The following NHSL1 variants were observed in gnomAD, a reference collection of about 807,000 sequenced individuals.
The protein encoded by NHSL1 is NHS-like protein 1.
In NHSL1, 48 loss-of-function variants were observed where a neutral mutation model predicts 95.0. The observed-to-expected ratio is 0.51, with a 90% CI of 0.40 to 0.64. The LOEUF (loss-of-function observed/expected upper bound fraction) is 0.64. Among genes scored for constraint, NHSL1 ranks in the 30% least tolerant of loss-of-function variants. The pLI, the probability that NHSL1 is intolerant of heterozygous loss-of-function variation, is 0.00. For missense variants in NHSL1, 1,971 were observed against 2,077.7 expected (o/e 0.95, Z 1.00); for synonymous variants, 783 against 833.9 (o/e 0.94, Z 1.05).
At chr6:138,567,197 G>A (rs548317745) in intron 1 of NHSL1, among the ~76,000 whole-genome samples, 27 of 151,290 alleles carry the variant, frequency 1.8e-4, no homozygotes, top group African/African-American at 6.1e-4. Context: ...GTGTGATCTC[G>A]GCTCACTGCA....
intron 1 of NHSL1, among the ~76,000 whole-genome samples, chr6:138,597,618 G>A (rs1005287956): frequency 7.9e-5 from 12 of 152,126 alleles, no homozygotes; most frequent in Non-Finnish European, 1.3e-4. Context: ...CCACCTAACC[G>A]CTTGTAGTGT....
intron 1 of NHSL1, among the ~76,000 whole-genome samples, chr6:138,628,629 TC>T (rs1489284186): frequency 6.6e-6 from 1 of 152,140 alleles, no homozygotes; most frequent in Non-Finnish European, 1.5e-5. Context: ...CCACCTGTAA[TC>T]CCAGGTACCT....
chr6:138,447,769 T>TA (rs995526170), intron 3 of NHSL1, among the ~76,000 whole-genome samples: 14 of 150,512 alleles, frequency 9.3e-5, no homozygotes, highest in East Asian at 1.9e-4. Flanking sequence ...TGAGACTGTC[T>TA]AAAAAAAAAA....
chr6:138,572,022 C>T (rs538662992), exon 1 of NHSL1: 4 of 795,662 alleles, frequency 5.0e-6, no homozygotes, highest in East Asian at 2.7e-5. Flanking sequence ...TCTTAGACAA[C>T]GCTGACAGTC....
chr6:138,630,418 G>C (rs990117540), intron 1 of NHSL1, among the ~76,000 whole-genome samples: 2 of 152,020 alleles, frequency 1.3e-5, no homozygotes, highest in Non-Finnish European at 2.9e-5. Context: ...CTGAGATGGA[G>C]TTTCGCTCTT....
intron 1 of NHSL1, among the ~76,000 whole-genome samples, chr6:138,522,072 A>T (rs1781706837): frequency 6.6e-6 from 1 of 152,210 alleles, no homozygotes; most frequent in African/African-American, 2.4e-5. Context: ...GCGTCTGGCC[A>T]CGTGGAAACC....
intron 3 of NHSL1, among the ~76,000 whole-genome samples, chr6:138,469,045 G>A (rs1374879816): frequency 6.6e-6 from 1 of 152,088 alleles, no homozygotes; most frequent in Non-Finnish European, 1.5e-5. Context: ...ATTACAGAGG[G>A]GTGAGGAGTG....
At chr6:138,558,831 C>T (rs982800702) in intron 1 of NHSL1, among the ~76,000 whole-genome samples, 7 of 152,110 alleles carry the variant, frequency 4.6e-5, no homozygotes, top group Admixed American at 4.6e-4. Context: ...TCACTTGAGG[C>T]TAAGAGTGAA....
intron 2 of NHSL1, among the ~76,000 whole-genome samples, chr6:138,489,517 A>G (rs1370863859): frequency 6.6e-6 from 1 of 152,106 alleles, no homozygotes; most frequent in East Asian, 1.9e-4. Context: ...CTGTAATGCC[A>G]GCACTTTGGG....
At position 138,583,236 on chromosome 6, in the gene NHSL1, G is replaced by A. The variant is rs75732841; in HGVS notation, c.97-86865C>T. Among the ~76,000 whole-genome samples, 14 of 152,310 alleles carry A rather than the reference G, an allele frequency of 9.2e-5. No homozygotes were observed. The East Asian group carries it at 2.7e-3, about 29-fold the overall frequency. On this transcript the variant is annotated intron_variant, in intron 1 of 3. Coordinates refer to the NHSL1 transcript ENST00000491526. ...ATGGCAATGGCACCAGAGAGCACAA[G>A]CTCAGCTGCAGAAGCTTCCTAGGCA... is the stretch of plus-strand genomic sequence containing the variant.
intron 1 of NHSL1, among the ~76,000 whole-genome samples, chr6:138,543,349 T>A (rs149797179): frequency 4.0e-4 from 61 of 152,264 alleles, no homozygotes; most frequent in African/African-American, 1.4e-3. Flanking sequence ...CAAAGAGTGA[T>A]TGTAACTATA....
upstream of NHSL1, among the ~76,000 whole-genome samples, chr6:138,576,472 G>A (rs1001121389): frequency 2.0e-5 from 3 of 152,100 alleles, no homozygotes; most frequent in Admixed American, 6.6e-5. Flanking sequence ...TACCGTGCTG[G>A]GCTGCCCCCT....
upstream of NHSL1, among the ~76,000 whole-genome samples, chr6:138,550,640 A>G (rs995601072): frequency 5.3e-5 from 8 of 152,232 alleles, no homozygotes; most frequent in African/African-American, 1.9e-4. Flanking sequence ...TTAGATAATT[A>G]TGTCTTCAAA....
At chr6:138,480,693 G>A (rs994302693) in intron 2 of NHSL1, among the ~76,000 whole-genome samples, 2 of 152,106 alleles carry the variant, frequency 1.3e-5, no homozygotes, top group Admixed American at 6.5e-5. Flanking sequence ...TGTAATTCAA[G>A]GTCATTAAGC....
exon 1 of NHSL1, chr6:138,545,707 T>A (rs1331073531): frequency 7.8e-7 from 1 of 1,280,876 alleles, no homozygotes; most frequent in East Asian, 5.7e-5. Context: ...GGCACAGCTG[T>A]CTCCCAGCCC....
At chr6:138,517,970 C>T (rs527310371) in intron 1 of NHSL1, among the ~76,000 whole-genome samples, 1 of 152,112 alleles carries the variant, frequency 6.6e-6, no homozygotes, top group Non-Finnish European at 1.5e-5. Context: ...GCAAGGGAGT[C>T]TGGGAAGCGA....
In NHSL1 at chr6:138,437,445, CAAAAAA is replaced by C. The variant is rs1202687511; in HGVS notation, c.665-3771_665-3766del. Among the ~76,000 whole-genome samples the C allele has an allele frequency of 2.5e-3, 157 of 61,810 alleles. 5 individuals carry two copies. The highest frequency in any genetic ancestry group is 9.2e-3 in the African/African-American group (146 of 15,848). The allele number at this position is 61,810 out of a possible 152,430, so 40.5% of individuals were successfully genotyped here. On this transcript the variant is annotated intron_variant, in intron 5 of 7. Coordinates refer to ENST00000343505, the MANE Select transcript of NHSL1 (RefSeq NM_001144060.2). Reference sequence around the variant, plus strand: ...ACACACACACACACACACACACACACAAAAAAAAAAAAAAAAAATACAATGCACCTA... The same window carrying C: ...ACACACACACACACACACACACACACAAAAAAAAAAAATACAATGCACCTA...
rs1358899702 is a variant in NHSL1, at chr6:138,473,352, G to A, written c.293C>T (p.Pro98Leu). 1 of 1,548,190 alleles carries A rather than the reference G, an allele frequency of 6.5e-7. No individual in the cohort carries two copies. The highest frequency in any genetic ancestry group is 2.5e-5 in the East Asian group (1 of 40,730). Residue 98 changes from proline to leucine, a missense_variant, in exon 3 of 8, where the codon CCA (proline) becomes CTA (leucine). This residue lies in a region of NHSL1 where 1,602 missense variants were observed against 1,654.5 expected (regional missense o/e 0.97). Coordinates refer to ENST00000343505, the MANE Select transcript of NHSL1 (RefSeq NM_001144060.2). ...TTCATCTTGGTAATCATCACAGAAT[G>A]GGCTGGCGTTGGCCGCAAAGGTGGG... The part of the protein sequence containing the change: ...QGPTFAANAS[P>L]FCDDYQDEDE...
intron 1 of NHSL1, among the ~76,000 whole-genome samples, chr6:138,519,669 G>T (rs1358350075): frequency 6.6e-6 from 1 of 152,146 alleles, no homozygotes; most frequent in Non-Finnish European, 1.5e-5. Flanking sequence ...TTGCTGTCTG[G>T]TGCTAGTTTC....
Sources: gnomAD v4.1 joint callset for allele counts (sites outside exome capture counted in the v4.1 genomes callset) on GRCh38, gnomAD v4.1.1 for gene constraint, gnomAD v4.1.1 regional missense constraint, MANE v1.5 for transcripts, NCBI Gene and HGNC (gene_info 2026-07-23, HGNC 2026-07-21) for gene names.